Variants in MYO10 observed in about 807,000 individuals in gnomAD.
MYO10 encodes the protein myosin X.
A neutral mutation model predicts 257.3 loss-of-function variants in MYO10; 133 were observed. That is an observed-to-expected ratio of 0.52 (90% CI 0.45 to 0.60). MYO10 has a LOEUF of 0.60. Ranked by LOEUF, MYO10 falls within the 20% of genes least tolerant of loss-of-function variation. The probability of loss-of-function intolerance (pLI) is 0.00; values close to 1 mark genes in which losing one functional copy is unlikely to be tolerated. For missense variants in MYO10, 2,399 were observed against 2,635.7 expected, an observed-to-expected ratio of 0.91 and a Z score of 1.97; for synonymous variants, 1,104 against 1,028.6, an observed-to-expected ratio of 1.07 and a Z score of -1.40.
At chr5:16,713,932 C>CG (rs1738736752) in intron 19 of MYO10, among the ~76,000 whole-genome samples, 1 of 152,146 alleles carries the variant, frequency 6.6e-6, no homozygotes, top group Non-Finnish European at 1.5e-5. Flanking sequence ...AGGGAAGTCT[C>CG]GATGGCGACA....
chr5:16,752,971 T>C (rs1019422898), intron 19 of MYO10, among the ~76,000 whole-genome samples: 4 of 152,182 alleles, frequency 2.6e-5, no homozygotes, highest in African/African-American at 7.2e-5. Context: ...ACCAGAATCA[T>C]GCACATAAAG....
At chr5:16,687,610 T>G (rs1020225685) in intron 28 of MYO10, among the ~76,000 whole-genome samples, 9 of 152,034 alleles carry the variant, frequency 5.9e-5, no homozygotes, top group African/African-American at 1.7e-4. Context: ...TATGTAAAGG[T>G]AGGCTGTGCA....
chr5:16,877,743 G>A (rs765087532), intron 1 of MYO10, 36 bp from the exon 2 acceptor site: 52 of 1,553,646 alleles, frequency 3.3e-5, no homozygotes, highest in African/African-American at 5.4e-5. Context: ...ACTGAGTTTG[G>A]ATTGCATTTT....
intron 39 of MYO10, among the ~76,000 whole-genome samples, chr5:16,669,649 T>C (rs549060182): frequency 2.0e-5 from 3 of 152,332 alleles, no homozygotes; most frequent in African/African-American, 4.8e-5. Context: ...AAAACAGGCA[T>C]AATTGAACCA....
chr5:16,727,386 G>A (rs1466199670), intron 19 of MYO10, among the ~76,000 whole-genome samples: 2 of 152,108 alleles, frequency 1.3e-5, no homozygotes, highest in African/African-American at 4.8e-5. Flanking sequence ...AGCATGTTTT[G>A]TATAAATACA....
intron 19 of MYO10, among the ~76,000 whole-genome samples, chr5:16,735,757 A>T (rs1739771687): frequency 6.6e-6 from 1 of 152,056 alleles, no homozygotes; most frequent in South Asian, 2.1e-4. Context: ...GACACTCTAA[A>T]AAATCCTCCC....
intron 2 of MYO10, among the ~76,000 whole-genome samples, chr5:16,829,886 TACACACAC>T (rs138178405): frequency 2.0e-5 from 3 of 150,770 alleles, no homozygotes; most frequent in African/African-American, 7.3e-5. Context: ...GAACGGCTAA[TACACACAC>T]ACACACACGC....
intron 19 of MYO10, among the ~76,000 whole-genome samples, chr5:16,726,281 ATGG>A (rs541633125): frequency 9.3e-4 from 141 of 152,252 alleles, no homozygotes; most frequent in African/African-American, 3.1e-3. Flanking sequence ...ATGGATCTCT[ATGG>A]TGGTGGTGGT....
At chr5:16,887,527 G>A (rs749053833) in intron 1 of MYO10, among the ~76,000 whole-genome samples, 50 of 152,260 alleles carry the variant, frequency 3.3e-4, no homozygotes, top group African/African-American at 1.1e-3. Context: ...GTCTAGCTCC[G>A]CCGCCCAGGC....
intron 19 of MYO10, chr5:16,741,723 A>G: frequency 1.1e-6 from 1 of 886,280 alleles, no homozygotes; most frequent in African/African-American, 1.8e-5. Flanking sequence ...CCCGTGTATG[A>G]TCTCTGCAGT....
chr5:16,669,821 C>T (rs1736359324), intron 39 of MYO10, among the ~76,000 whole-genome samples: 1 of 152,184 alleles, frequency 6.6e-6, no homozygotes, highest in South Asian at 2.1e-4. Flanking sequence ...AGCTGGCACA[C>T]TTATCTGTTA....
At chr5:16,929,769 T>C (rs1746245882) in intron 1 of MYO10, among the ~76,000 whole-genome samples, 1 of 152,194 alleles carries the variant, frequency 6.6e-6, no homozygotes, top group South Asian at 2.1e-4. Context: ...AAAGTCTACA[T>C]GTTCAGTACA....
At chr5:16,889,186 A>AT (rs36111825) in intron 1 of MYO10, among the ~76,000 whole-genome samples, 2 of 100,728 alleles carry the variant, frequency 2.0e-5, no homozygotes, top group Non-Finnish European at 4.1e-5. Flanking sequence ...ATTTAAAAAA[A>AT]TTTAAAAAAA....
rs781115805 is a variant in MYO10 at position 16,794,806 on chromosome 5, C to T, written c.307G>A (p.Val103Met). Residue 103 changes from valine to methionine, a missense_variant, in exon 4 of 41, where the codon GTG becomes ATG. This residue lies in a region of MYO10 where 242 missense variants were observed against 249.5 expected (regional missense o/e 0.97). Coordinates refer to ENST00000513610, the MANE Select transcript of MYO10 (RefSeq NM_012334.3). ...YTYIGSILASVNPYQPIAGLY... is the reference protein window; with the variant it reads ...YTYIGSILASMNPYQPIAGLY... ...CCGGCGATGGGCTGGTAGGGGTTCA[C>T]GGAGGCCAGGATGGAGCCGATGTAG... is the stretch of plus-strand genomic sequence containing the variant. 14 of 1,583,530 alleles carry T rather than the reference C, an allele frequency of 8.8e-6. No individual in the cohort carries two copies. The African/African-American group carries it at 1.1e-4, about 12-fold the overall frequency.
intron 12 of MYO10, 140 bp from the exon 13 acceptor site, chr5:16,763,895 A>T (rs1332868287): frequency 3.0e-6 from 2 of 677,760 alleles, no homozygotes; most frequent in Non-Finnish European, 5.0e-6. Flanking sequence ...CTGTTATCCC[A>T]GCACTTTGGG....
At chr5:16,772,648 A>G (rs1010265340) in intron 9 of MYO10, among the ~76,000 whole-genome samples, 17 of 152,220 alleles carry the variant, frequency 1.1e-4, no homozygotes, top group Non-Finnish European at 2.5e-4. Context: ...TGAACATTCT[A>G]TTCTATCATG....
chr5:16,718,158 T>G (rs1197417588), intron 19 of MYO10, among the ~76,000 whole-genome samples: 3 of 152,336 alleles, frequency 2.0e-5, no homozygotes, highest in African/African-American at 2.4e-5. Flanking sequence ...CGCTGTGCTC[T>G]GTTTCTCGCT....
intron 19 of MYO10, among the ~76,000 whole-genome samples, chr5:16,719,989 CGTGTGTGTGTGTGTGTGT>C (rs10526050): frequency 1.4e-5 from 2 of 143,442 alleles, no homozygotes; most frequent in African/African-American, 5.2e-5. Flanking sequence ...TGTGTGCGTG[CGTGTGTGTGTGTGTGTGT>C]GTGTGTGTGT....
chr5:16,690,565 C>G (rs1459704437), intron 27 of MYO10, among the ~76,000 whole-genome samples: 2 of 152,152 alleles, frequency 1.3e-5, no homozygotes, highest in Non-Finnish European at 1.5e-5. Flanking sequence ...GCTCAGGACC[C>G]AGACAGGCCA....
Sources: gnomAD v4.1 joint callset for allele counts (sites outside exome capture counted in the v4.1 genomes callset) on GRCh38, gnomAD v4.1.1 for gene constraint, gnomAD v4.1.1 regional missense constraint, MANE v1.5 for transcripts, NCBI Gene and HGNC (gene_info 2026-07-23, HGNC 2026-07-21) for gene names.